Variants in GALNTL6 observed in about 807,000 individuals in gnomAD.
GALNTL6 encodes the protein polypeptide N-acetylgalactosaminyltransferase like 6, also known as polypeptide N-acetylgalactosaminyltransferase-like 6.
A neutral mutation model predicts 73.7 loss-of-function variants in GALNTL6; 46 were observed. The ratio of observed to expected loss-of-function variants is 0.62; its 90% CI spans 0.49 to 0.80. The LOEUF (loss-of-function observed/expected upper bound fraction) is 0.80. GALNTL6 is among the 30% of genes least tolerant of loss of function. The probability of loss-of-function intolerance (pLI) is 0.00; values close to 1 mark genes in which losing one functional copy is unlikely to be tolerated. For missense variants in GALNTL6, 604 were observed against 755.0 expected (o/e 0.80, Z 2.34); for synonymous variants, 259 against 263.7 (o/e 0.98, Z 0.17).
rs550592612 is a variant in GALNTL6 at position 172,205,249 on chromosome 4, C to G, written c.139-24407C>G. On this transcript the variant is annotated intron_variant, in intron 2 of 12. Coordinates refer to ENST00000506823, the MANE Select transcript of GALNTL6 (RefSeq NM_001034845.3). Reference sequence around the variant, plus strand: ...AAATAGATACCACAAACAATAAAATCAGTTAAAAAGCAAGGATCTGCAAAA... The same window carrying G: ...AAATAGATACCACAAACAATAAAATGAGTTAAAAAGCAAGGATCTGCAAAA... Among the ~76,000 whole-genome samples the G allele has an allele frequency of 2.0e-5, 3 of 152,216 alleles. No homozygotes were observed. In the East Asian group the frequency reaches 5.8e-4, roughly 29 times the overall value.
chr4:172,987,897 T>C (rs1751362176), intron 10 of GALNTL6, among the ~76,000 whole-genome samples: 1 of 152,230 alleles, frequency 6.6e-6, no homozygotes, highest in Non-Finnish European at 1.5e-5. Flanking sequence ...TTATAGTTCC[T>C]GTTACAGCTT....
intron 7 of GALNTL6, among the ~76,000 whole-genome samples, chr4:172,819,548 G>A (rs1379964797): frequency 3.9e-5 from 6 of 152,154 alleles, no homozygotes; most frequent in Non-Finnish European, 8.8e-5. Context: ...ACTAGAATCT[G>A]GGGTTGCTGA....
chr4:172,701,635 A>T (rs1470651031), intron 5 of GALNTL6, among the ~76,000 whole-genome samples: 1 of 152,060 alleles, frequency 6.6e-6, no homozygotes, highest in African/African-American at 2.4e-5. Context: ...TTATAATCGG[A>T]ATAGGACCTC....
At chr4:172,410,481 A>G (rs1232158779) in intron 5 of GALNTL6, among the ~76,000 whole-genome samples, 4 of 152,106 alleles carry the variant, frequency 2.6e-5, no homozygotes, top group Non-Finnish European at 1.5e-5. Context: ...GCACTGCCAT[A>G]ACACTGCATT....
chr4:171,825,837 C>T (rs1198176815), intron 2 of GALNTL6, among the ~76,000 whole-genome samples: 1 of 152,082 alleles, frequency 6.6e-6, no homozygotes, highest in African/African-American at 2.4e-5. Context: ...TCTTTTGCTT[C>T]GTAAAAAACA....
chr4:172,935,698 C>A (rs747503521), intron 9 of GALNTL6, among the ~76,000 whole-genome samples: 1 of 152,150 alleles, frequency 6.6e-6, no homozygotes, highest in Non-Finnish European at 1.5e-5. Flanking sequence ...TGGATAAATT[C>A]CTGGACACAT....
chr4:172,096,506 T>C (rs1253607545), intron 2 of GALNTL6, among the ~76,000 whole-genome samples: 1 of 151,734 alleles, frequency 6.6e-6, no homozygotes, highest in Non-Finnish European at 1.5e-5. Context: ...CCTTGTTTTC[T>C]GATTGCTTAT....
intron 2 of GALNTL6, among the ~76,000 whole-genome samples, chr4:171,894,792 G>A (rs1018927649): frequency 1.3e-5 from 2 of 152,156 alleles, no homozygotes; most frequent in African/African-American, 4.8e-5. Flanking sequence ...AGCTGAAAGA[G>A]TTCCAAGGGA....
At chr4:171,906,216 G>T (rs1407026629) in intron 2 of GALNTL6, among the ~76,000 whole-genome samples, 1 of 149,358 alleles carries the variant, frequency 6.7e-6, no homozygotes. Flanking sequence ...CTGGTTTTTT[G>T]AAAGGATCAA....
intron 2 of GALNTL6, chr4:172,052,413 G>A: frequency 3.4e-6 from 5 of 1,485,292 alleles, no homozygotes; most frequent in Non-Finnish European, 3.6e-6. Context: ...AGCTCCAGAT[G>A]GGCTGTTTAC....
intron 7 of GALNTL6, among the ~76,000 whole-genome samples, chr4:172,882,074 G>T (rs1712163982): frequency 6.6e-6 from 1 of 151,798 alleles, no homozygotes. Context: ...AATATTTAGG[G>T]CAGGGCCTAC....
intron 5 of GALNTL6, among the ~76,000 whole-genome samples, chr4:172,634,845 A>G (rs1319937417): frequency 6.6e-6 from 1 of 152,194 alleles, no homozygotes; most frequent in African/African-American, 2.4e-5. Context: ...ATCATTTTAA[A>G]CAAGGTATTT....
intron 5 of GALNTL6, among the ~76,000 whole-genome samples, chr4:172,594,560 G>C (rs550844977): frequency 1.7e-4 from 26 of 151,864 alleles, no homozygotes; most frequent in Non-Finnish European, 3.5e-4. Flanking sequence ...TTAAATCATA[G>C]TTATATCTTG....
intron 2 of GALNTL6, among the ~76,000 whole-genome samples, chr4:172,212,440 T>C (rs1460922969): frequency 1.3e-5 from 2 of 152,214 alleles, no homozygotes; most frequent in African/African-American, 2.4e-5. Flanking sequence ...ATTAGAGGCA[T>C]GAGTTACCTC....
chr4:172,418,378 C>T (rs1730921214), intron 5 of GALNTL6, among the ~76,000 whole-genome samples: 1 of 152,100 alleles, frequency 6.6e-6, no homozygotes, highest in Non-Finnish European at 1.5e-5. Flanking sequence ...TGTTAGCAGA[C>T]ATAACCCAGC....
Position 172,801,502 on chromosome 4 carries a change from A to G in GALNTL6, c.554-7859A>G, listed in dbSNP as rs1012206329. ...TTTTTTCATTTCAGGGACCTTATCT[A>G]TAAGGTATTGCCCACATAACTTTGA... On this transcript the variant is annotated intron_variant, in intron 5 of 12. Coordinates refer to ENST00000506823, the MANE Select transcript of GALNTL6 (RefSeq NM_001034845.3). 2.0e-5 allele frequency among the ~76,000 whole-genome samples: 3 copies of G among 152,160 alleles called. No individual in the cohort carries two copies. In the East Asian group the frequency reaches 5.8e-4, roughly 29 times the overall value.
intron 2 of GALNTL6, among the ~76,000 whole-genome samples, chr4:171,819,598 G>C (rs368828463): frequency 2.6e-4 from 40 of 152,070 alleles, no homozygotes; most frequent in African/African-American, 8.2e-4. Context: ...TGTTTGTCAG[G>C]AGTAGCCGTG....
intron 5 of GALNTL6, among the ~76,000 whole-genome samples, chr4:172,572,795 G>T (rs1168226678): frequency 1.3e-5 from 2 of 152,082 alleles, no homozygotes; most frequent in African/African-American, 4.8e-5. Flanking sequence ...TAATAGGAAT[G>T]ATTTAATTAT....
In GALNTL6 at chr4:172,973,512, C is replaced by T. The variant is rs556380786; in HGVS notation, c.1371+21254C>T. ...GAGAGAAAAGAGGAGATAGGAGGAA[C>T]TGTTCTAGATTACAAGATACAAGGC... On this transcript the variant is annotated intron_variant, in intron 10 of 12. Coordinates refer to ENST00000506823, the MANE Select transcript of GALNTL6 (RefSeq NM_001034845.3). Among the ~76,000 whole-genome samples, 18 of 152,196 alleles carry T rather than the reference C, an allele frequency of 1.2e-4. 1 individual carries two copies. In the South Asian group the frequency reaches 3.7e-3, roughly 32 times the overall value.
Sources: allele counts gnomAD v4.1 joint callset (sites outside exome capture counted in the v4.1 genomes callset), GRCh38; gene constraint gnomAD v4.1.1; transcripts MANE v1.5; gene names NCBI Gene and HGNC (gene_info 2026-07-23, HGNC 2026-07-21).